Variants in RPAIN observed in about 807,000 individuals in gnomAD.
The protein encoded by RPAIN is RPA-interacting protein.
In RPAIN, 29 loss-of-function variants were observed where a neutral mutation model predicts 30.5. The ratio of observed to expected loss-of-function variants is 0.95; its 90% confidence interval spans 0.71 to 1.30. The LOEUF is 1.30. Among genes scored for constraint, RPAIN ranks in the 50% most tolerant of loss-of-function variants. The pLI, the probability that RPAIN is intolerant of heterozygous loss-of-function variation, is 0.00. For synonymous variants in RPAIN, 101 were observed against 93.5 expected (o/e 1.08, Z -0.46); for missense variants, 247 against 264.7 (o/e 0.93, Z 0.46).
intron 6 of RPAIN, chr17:5,428,548 C>G (rs1265281128): frequency 3.3e-5 from 42 of 1,276,800 alleles, no homozygotes; most frequent in South Asian, 1.0e-4. Flanking sequence ...GCTGGCACCA[C>G]TTTTGCGGAA....
intron 3 of RPAIN, among the ~76,000 whole-genome samples, chr17:5,425,680 C>T (rs1485603688): frequency 6.6e-6 from 1 of 152,066 alleles, no homozygotes; most frequent in Non-Finnish European, 1.5e-5. Flanking sequence ...GCCTGTGGGA[C>T]CCTGACATTC....
At chr17:5,424,629 T>A (rs1453699515) in intron 3 of RPAIN, among the ~76,000 whole-genome samples, 5 of 152,232 alleles carry the variant, frequency 3.3e-5, no homozygotes, top group Non-Finnish European at 7.3e-5. Context: ...TTTACTACTT[T>A]AATTTGTGTG....
chr17:5,430,647 C>T (rs1032974150), intron 6 of RPAIN: 1 of 152,260 alleles, frequency 6.6e-6, no homozygotes, highest in Admixed American at 6.5e-5. Flanking sequence ...TAGTTACCTG[C>T]TTATGTCTTT....
intron 6 of RPAIN, chr17:5,432,022 T>C: frequency 4.1e-6 from 1 of 246,262 alleles, no homozygotes; most frequent in East Asian, 1.2e-4. Flanking sequence ...ACTGGATTCC[T>C]TAGCATAGTG....
Position 5,421,335 on chromosome 17 carries a change from C to CTG in RPAIN, c.122_123insGT (p.Asn42Ter). On this transcript the variant is annotated frameshift_variant, in exon 2 of 7. Transcript: ENST00000381209. LOFTEE classifies it high-confidence loss of function. The stretch of plus-strand genomic sequence containing the variant: ...AATGAGAAACAGCCGGGACAGGCTC[C>CTG]TAAACAGGTACCGCCAGGCTGGAAG... The CTG allele has an allele frequency of 6.2e-7, 1 of 1,613,984 alleles. No individual in the cohort carries two copies. Among genetic ancestry groups the CTG allele is most frequent in the East Asian group, 2.2e-5 (1 of 44,872 alleles).
At chr17:5,425,159 C>A in intron 3 of RPAIN, 1 of 352,000 alleles carries the variant, frequency 2.8e-6, no homozygotes, top group South Asian at 2.2e-5. Flanking sequence ...GACCCCTTCC[C>A]TAATGTCTAG....
chr17:5,422,904 T>A, intron 3 of RPAIN, 75 bp downstream of exon 3: 1 of 1,231,160 alleles, frequency 8.1e-7, no homozygotes, highest in South Asian at 1.3e-5. Flanking sequence ...CAATCAGGAT[T>A]AGTTTATAAG....
intron 6 of RPAIN, chr17:5,428,898 G>C: frequency 1.0e-6 from 1 of 984,892 alleles, no homozygotes; most frequent in Non-Finnish European, 1.2e-6. Flanking sequence ...GAAGTTCATA[G>C]CCATGGCTTT....
At chr17:5,428,901 A>C (rs1390398744) in intron 6 of RPAIN, 8 of 984,288 alleles carry the variant, frequency 8.1e-6, no homozygotes, top group Non-Finnish European at 9.7e-6. Context: ...GTTCATAGCC[A>C]TGGCTTTCTA....
At chr17:5,422,107 T>C (rs1228453266) in intron 2 of RPAIN, among the ~76,000 whole-genome samples, 1 of 152,174 alleles carries the variant, frequency 6.6e-6, no homozygotes, top group Non-Finnish European at 1.5e-5. Context: ...TTGGCAGCCA[T>C]GTGTGGAAGG....
At chr17:5,432,456 A>G in intron 6 of RPAIN, 86 bp from the exon 7 acceptor site, 2 of 1,276,068 alleles carry the variant, frequency 1.6e-6, no homozygotes, top group South Asian at 2.4e-5. Context: ...TCTAATGTGT[A>G]GAATTCTCAT....
chr17:5,429,315 A>C, intron 6 of RPAIN: 1 of 985,474 alleles, frequency 1.0e-6, no homozygotes, highest in African/African-American at 1.7e-5. Flanking sequence ...GTAGAGCTTA[A>C]GTGGAAGATC....
intron 5 of RPAIN, 120 bp from the exon 6 acceptor site, chr17:5,427,951 C>A (rs1915557010): frequency 1.1e-6 from 1 of 917,922 alleles, no homozygotes; most frequent in Non-Finnish European, 1.8e-6. Context: ...GTCTTTAAGG[C>A]TCCAAGGAGT....
At chr17:5,432,042 A>G in intron 6 of RPAIN, 1 of 223,952 alleles carries the variant, frequency 4.5e-6, no homozygotes, top group Non-Finnish European at 8.9e-6. Context: ...GGAGAGGCTG[A>G]GCCACCCAGG....
intron 2 of RPAIN, among the ~76,000 whole-genome samples, chr17:5,422,440 C>T (rs1019376087): frequency 1.3e-5 from 2 of 152,186 alleles, no homozygotes; most frequent in African/African-American, 4.8e-5. Flanking sequence ...ATTTTATTCC[C>T]ACTTTACAGA....
intron 2 of RPAIN, 117 bp from the exon 3 acceptor site, chr17:5,422,652 G>A (rs541369713): frequency 2.5e-6 from 2 of 815,058 alleles, no homozygotes; most frequent in South Asian, 3.1e-5. Context: ...AGGAGGACTG[G>A]ACTGATTTTG....
intron 3 of RPAIN, among the ~76,000 whole-genome samples, chr17:5,423,398 G>A (rs1055298277): frequency 4.0e-5 from 6 of 151,676 alleles, no homozygotes; most frequent in African/African-American, 1.5e-4. Context: ...AATACTTGTA[G>A]CCTCCCTCAG....
At chr17:5,429,294 G>A in intron 6 of RPAIN, 1 of 985,502 alleles carries the variant, frequency 1.0e-6, no homozygotes, top group Non-Finnish European at 1.2e-6. Context: ...GAGATCTGGT[G>A]AGTTGTGGGG....
chr17:5,428,454 C>A, intron 6 of RPAIN: 1 of 1,435,410 alleles, frequency 7.0e-7, no homozygotes, highest in Admixed American at 2.8e-5. Context: ...GGACGCCTGG[C>A]TCCACACCTG....
Sources: gnomAD v4.1 joint callset for allele counts (sites outside exome capture counted in the v4.1 genomes callset) on GRCh38, gnomAD v4.1.1 for gene constraint, MANE v1.5 for transcripts, NCBI Gene and HGNC (gene_info 2026-07-23, HGNC 2026-07-21) for gene names.